The following SPMIP2 variants were observed in gnomAD, a reference collection of about 807,000 sequenced individuals.
SPMIP2 encodes the protein sperm microtubule inner protein 2.
the SPMIP2 span, among the ~76,000 whole-genome samples, chr4:158,971,826 G>A: frequency 7.9e-5 from 12 of 152,122 alleles, no homozygotes; most frequent in Non-Finnish European, 1.6e-4. Flanking sequence ...AGACACTGAC[G>A]CACAGAGGCA....
At chr4:158,895,689 C>T in the SPMIP2 span, 7 of 1,044,026 alleles carry the variant, frequency 6.7e-6, no homozygotes, top group Non-Finnish European at 1.0e-5. Flanking sequence ...AATTCTGACT[C>T]TTAAAATATT....
At chr4:159,044,497 A>C in the SPMIP2 span, among the ~76,000 whole-genome samples, 1 of 152,120 alleles carries the variant, frequency 6.6e-6, no homozygotes, top group Non-Finnish European at 1.5e-5. Flanking sequence ...GAAGTTAAAA[A>C]AAAATCAAGT....
chr4:159,014,255 C>T, the SPMIP2 span, among the ~76,000 whole-genome samples: 1 of 152,236 alleles, frequency 6.6e-6, no homozygotes. Context: ...GAAATGGAGA[C>T]CAGCCTGGCC....
At chr4:158,956,506 C>G in the SPMIP2 span, among the ~76,000 whole-genome samples, 1 of 152,128 alleles carries the variant, frequency 6.6e-6, no homozygotes, top group Non-Finnish European at 1.5e-5. Context: ...GAGGCTGCAG[C>G]GAGCGGAGAT....
chr4:159,043,748 G>T, the SPMIP2 span, among the ~76,000 whole-genome samples: 1 of 152,314 alleles, frequency 6.6e-6, no homozygotes, highest in Non-Finnish European at 1.5e-5. Context: ...AATGTCTGAA[G>T]TTGAGTGTCT....
the SPMIP2 span, among the ~76,000 whole-genome samples, chr4:158,939,166 T>C: frequency 6.6e-6 from 1 of 152,216 alleles, no homozygotes; most frequent in Admixed American, 6.5e-5. Flanking sequence ...TGAAGGTTCT[T>C]TGGGAGACTA....
the SPMIP2 span, among the ~76,000 whole-genome samples, chr4:159,017,356 TACACAC>T: frequency 1.3e-5 from 2 of 149,318 alleles, no homozygotes; most frequent in African/African-American, 5.0e-5. Context: ...CACAAACACA[TACACAC>T]ACACACACAC....
chr4:158,951,500 G>T, the SPMIP2 span, among the ~76,000 whole-genome samples: 1 of 152,168 alleles, frequency 6.6e-6, no homozygotes, highest in Admixed American at 6.5e-5. Flanking sequence ...CTTTCTATAT[G>T]CAGCTCCTCA....
the SPMIP2 span, among the ~76,000 whole-genome samples, chr4:159,036,301 A>G: frequency 6.6e-6 from 1 of 152,246 alleles, no homozygotes; most frequent in Admixed American, 6.5e-5. Context: ...GAAGGCTTGT[A>G]GCCCAGCTGG....
chr4:158,894,353 G>A, the SPMIP2 span, among the ~76,000 whole-genome samples: 1 of 151,702 alleles, frequency 6.6e-6, no homozygotes, highest in East Asian at 1.9e-4. Flanking sequence ...TTTAATTTTT[G>A]TAGAGACAGA....
the SPMIP2 span, among the ~76,000 whole-genome samples, chr4:158,966,934 G>A: frequency 6.6e-6 from 1 of 152,164 alleles, no homozygotes; most frequent in Non-Finnish European, 1.5e-5. Context: ...TAGTTGAGAG[G>A]CCAGGTAATT....
the SPMIP2 span, among the ~76,000 whole-genome samples, chr4:158,971,668 G>A: frequency 4.6e-5 from 7 of 152,110 alleles, no homozygotes; most frequent in Non-Finnish European, 8.8e-5. Context: ...AATATGAAAC[G>A]CATATAGGGC....
chr4:158,899,201 C>G, the SPMIP2 span, among the ~76,000 whole-genome samples: 1 of 152,198 alleles, frequency 6.6e-6, no homozygotes, highest in African/African-American at 2.4e-5. Context: ...ATGAAGCCAG[C>G]TGGATCGTGG....
At chr4:159,053,511 T>G in the SPMIP2 span, among the ~76,000 whole-genome samples, 1 of 152,200 alleles carries the variant, frequency 6.6e-6, no homozygotes, top group Non-Finnish European at 1.5e-5. Context: ...TAGTTTCCCC[T>G]AGCCCGTGCC....
the SPMIP2 span, chr4:158,960,393 G>T: frequency 1.8e-6 from 2 of 1,133,314 alleles, no homozygotes; most frequent in East Asian, 4.9e-5. Flanking sequence ...GTAAAGAGGT[G>T]GCCGGTCTAA....
chr4:158,980,786 C>T, the SPMIP2 span, among the ~76,000 whole-genome samples: 1 of 152,182 alleles, frequency 6.6e-6, no homozygotes, highest in Non-Finnish European at 1.5e-5. Context: ...ATTCCAAAAA[C>T]CAGAATGCCT....
the SPMIP2 span, among the ~76,000 whole-genome samples, chr4:158,917,770 G>A: frequency 2.2e-4 from 28 of 128,632 alleles, no homozygotes; most frequent in Non-Finnish European, 2.2e-4. Flanking sequence ...CTCCTAGGTT[G>A]GAGTGCAATG....
the SPMIP2 span, among the ~76,000 whole-genome samples, chr4:158,928,912 G>C: frequency 6.6e-6 from 1 of 152,006 alleles, no homozygotes; most frequent in Non-Finnish European, 1.5e-5. Context: ...GCGAGACCAC[G>C]ATCCCACCGG....
At chr4:158,982,564 G>A in the SPMIP2 span, among the ~76,000 whole-genome samples, 2 of 152,172 alleles carry the variant, frequency 1.3e-5, no homozygotes, top group African/African-American at 2.4e-5. Context: ...TCAGGATTAA[G>A]AAACTCACTC....
Sources: allele counts gnomAD v4.1 joint callset (sites outside exome capture counted in the v4.1 genomes callset), GRCh38; gene constraint gnomAD v4.1.1; transcripts MANE v1.5; gene names NCBI Gene and HGNC (gene_info 2026-07-23, HGNC 2026-07-21).